The following NELL1 variants were observed in gnomAD, a reference collection of about 807,000 sequenced individuals.
NELL1 encodes the protein protein kinase C-binding protein NELL1.
In NELL1, 76 loss-of-function variants were observed where a neutral mutation model predicts 107.4. The observed-to-expected ratio is 0.71, with a 90% CI of 0.59 to 0.86. The LOEUF (loss-of-function observed/expected upper bound fraction) is 0.86, where lower values mean the gene tolerates loss of function less well. NELL1 is among the 40% of genes least tolerant of loss of function. The pLI, the probability that NELL1 is intolerant of heterozygous loss-of-function variation, is 0.00. For missense variants in NELL1, 1,024 were observed against 1,005.5 expected, an observed-to-expected ratio of 1.02 and a Z score of -0.25; for synonymous variants, 353 against 341.2, an observed-to-expected ratio of 1.03 and a Z score of -0.38.
At chr11:21,071,793 C>A (rs1400138214) in intron 12 of NELL1, among the ~76,000 whole-genome samples, 3 of 152,146 alleles carry the variant, frequency 2.0e-5, no homozygotes, top group African/African-American at 7.2e-5. Context: ...TCTTTGAGTC[C>A]TTTTGGCTGA....
chr11:21,357,321 G>A (rs1326505331), intron 14 of NELL1, among the ~76,000 whole-genome samples: 1 of 151,984 alleles, frequency 6.6e-6, no homozygotes, highest in Non-Finnish European at 1.5e-5. Flanking sequence ...CATCTTTATT[G>A]TTTTTTTACT....
intron 5 of NELL1, among the ~76,000 whole-genome samples, chr11:20,906,896 A>G (rs915034389): frequency 6.6e-6 from 1 of 152,108 alleles, no homozygotes. Flanking sequence ...TATACTCAAT[A>G]GTGAAAGACT....
At chr11:20,693,864 A>C (rs923105100) in intron 2 of NELL1, among the ~76,000 whole-genome samples, 4 of 152,172 alleles carry the variant, frequency 2.6e-5, no homozygotes, top group African/African-American at 7.2e-5. Context: ...TCTCTTGGAT[A>C]GTATCCTGCA....
At chr11:20,713,490 G>T (rs1211543223) in intron 2 of NELL1, among the ~76,000 whole-genome samples, 3 of 152,172 alleles carry the variant, frequency 2.0e-5, no homozygotes, top group African/African-American at 7.2e-5. Flanking sequence ...CACCCACGCA[G>T]TTGGTGAGGC....
At chr11:21,505,784 G>T (rs372508546) in intron 15 of NELL1, among the ~76,000 whole-genome samples, 21 of 152,100 alleles carry the variant, frequency 1.4e-4, no homozygotes, top group Admixed American at 1.3e-3. Context: ...ATAACACTTG[G>T]AATATTGTTG....
intron 4 of NELL1, among the ~76,000 whole-genome samples, chr11:20,866,579 A>C (rs2134081845): frequency 6.6e-6 from 1 of 152,298 alleles, no homozygotes; most frequent in Middle Eastern, 3.4e-3. Context: ...GGCAAGAGTA[A>C]ATCCTGTTAT....
At chr11:20,755,499 C>T (rs1434889927) in intron 2 of NELL1, among the ~76,000 whole-genome samples, 6 of 150,150 alleles carry the variant, frequency 4.0e-5, no homozygotes, top group African/African-American at 1.5e-4. Context: ...ACAAGCCAAA[C>T]TTGAGAGCAT....
At chr11:21,233,008 A>G (rs1320561783) in intron 14 of NELL1, among the ~76,000 whole-genome samples, 1 of 152,172 alleles carries the variant, frequency 6.6e-6, no homozygotes, top group Non-Finnish European at 1.5e-5. Context: ...CAGACATGGT[A>G]TTGTTCATAG....
chr11:21,490,199 CA>C (rs1854764064), intron 15 of NELL1, among the ~76,000 whole-genome samples: 1 of 151,596 alleles, frequency 6.6e-6, no homozygotes. Flanking sequence ...ACAATAGCTC[CA>C]AAAAATATAT....
At chr11:21,284,933 T>G in intron 14 of NELL1, 1 of 213,910 alleles carries the variant, frequency 4.7e-6, no homozygotes, top group South Asian at 8.5e-5. Context: ...TAGACCACAT[T>G]TGAAATGTCA....
intron 4 of NELL1, among the ~76,000 whole-genome samples, chr11:20,863,469 G>A (rs1157065129): frequency 1.9e-4 from 28 of 143,620 alleles, no homozygotes; most frequent in African/African-American, 5.8e-4. Context: ...CTTCTCAGAC[G>A]GGGCGGCCGG....
intron 13 of NELL1, among the ~76,000 whole-genome samples, chr11:21,199,071 G>A (rs551850974): frequency 6.6e-6 from 1 of 152,124 alleles, no homozygotes; most frequent in South Asian, 2.1e-4. Context: ...TTTACATCTG[G>A]TCTGGGAAAA....
intron 11 of NELL1, among the ~76,000 whole-genome samples, chr11:20,951,489 G>T (rs570679349): frequency 3.9e-5 from 6 of 152,218 alleles, no homozygotes; most frequent in Admixed American, 3.9e-4. Flanking sequence ...GGTGTTCACT[G>T]TATCAACAAA....
At chr11:20,745,439 C>A (rs1462968002) in intron 2 of NELL1, among the ~76,000 whole-genome samples, 1 of 152,166 alleles carries the variant, frequency 6.6e-6, no homozygotes, top group Non-Finnish European at 1.5e-5. Context: ...GAAGATAGCA[C>A]TGACATTAGT....
intron 2 of NELL1, among the ~76,000 whole-genome samples, chr11:20,711,588 C>G (rs1402586980): frequency 1.3e-5 from 2 of 151,890 alleles, no homozygotes; most frequent in Non-Finnish European, 2.9e-5. Context: ...CTGGCAAATT[C>G]TCTAAGCAAT....
intron 16 of NELL1, among the ~76,000 whole-genome samples, 176 bp from the exon 17 acceptor site, chr11:21,560,013 C>T (rs1246669181): frequency 6.6e-6 from 1 of 152,076 alleles, no homozygotes; most frequent in Non-Finnish European, 1.5e-5. Flanking sequence ...ACAGATCTCC[C>T]ACACAGAGCA....
At chr11:21,109,808 C>A (rs1855062706) in intron 12 of NELL1, among the ~76,000 whole-genome samples, 1 of 152,130 alleles carries the variant, frequency 6.6e-6, no homozygotes, top group East Asian at 1.9e-4. Flanking sequence ...GATAGCCCAG[C>A]TCTCTAAAGA....
intron 13 of NELL1, among the ~76,000 whole-genome samples, chr11:21,123,294 A>G (rs1855411923): frequency 6.6e-6 from 1 of 151,768 alleles, no homozygotes; most frequent in East Asian, 1.9e-4. Flanking sequence ...ACATCTAAAC[A>G]AAATGTGGGT....
At chr11:21,196,899 T>TCTC (rs1857166405) in intron 13 of NELL1, among the ~76,000 whole-genome samples, 2 of 147,772 alleles carry the variant, frequency 1.4e-5, no homozygotes, top group African/African-American at 5.0e-5. Context: ...TTTTTTTTTT[T>TCTC]CTCACTCTGT....
Sources: gnomAD v4.1 joint callset for allele counts (sites outside exome capture counted in the v4.1 genomes callset) on GRCh38, gnomAD v4.1.1 for gene constraint, MANE v1.5 for transcripts, NCBI Gene and HGNC (gene_info 2026-07-23, HGNC 2026-07-21) for gene names.